Variants in ADAMTS12 observed in about 807,000 individuals in gnomAD.
ADAMTS12 encodes ADAM metallopeptidase with thrombospondin type 1 motif 12.
A neutral mutation model predicts 167.8 loss-of-function variants in ADAMTS12; 118 were observed. That is an observed-to-expected ratio of 0.70 (90% CI 0.61 to 0.82). The LOEUF (loss-of-function observed/expected upper bound fraction) is 0.82. Ranked by LOEUF, ADAMTS12 falls within the 40% of genes least tolerant of loss-of-function variation. The pLI, the probability that ADAMTS12 is intolerant of heterozygous loss-of-function variation, is 0.00. For synonymous variants in ADAMTS12, 704 were observed against 716.9 expected, an observed-to-expected ratio of 0.98 and a Z score of 0.29; for missense variants, 1,916 against 1,998.8, an observed-to-expected ratio of 0.96 and a Z score of 0.79.
chr5:33,600,396 A>G (rs903530224), intron 16 of ADAMTS12, among the ~76,000 whole-genome samples: 7 of 152,222 alleles, frequency 4.6e-5, no homozygotes, highest in African/African-American at 1.7e-4. Flanking sequence ...TCTAAAAGAA[A>G]ATGACATAGC....
chr5:33,882,452 C>T (rs949458704), intron 1 of ADAMTS12, among the ~76,000 whole-genome samples: 4 of 152,220 alleles, frequency 2.6e-5, no homozygotes, highest in African/African-American at 9.7e-5. Context: ...AACACATACA[C>T]ATTTTGACCT....
intron 12 of ADAMTS12, among the ~76,000 whole-genome samples, chr5:33,634,517 C>T (rs4358529): frequency 0.84 from 128,203 of 152,086 alleles, 54,324 homozygotes; most frequent in Non-Finnish European, 0.89. Context: ...CAAGAAGTTA[C>T]GTTTAACTTA....
At chr5:33,568,827 T>C (rs182878797) in intron 19 of ADAMTS12, among the ~76,000 whole-genome samples, 17 of 152,194 alleles carry the variant, frequency 1.1e-4, no homozygotes, top group African/African-American at 4.1e-4. Context: ...GGTCAGGGAG[T>C]TCCCTTTCCT....
chr5:33,683,736 C>G, intron 4 of ADAMTS12, 123 bp downstream of exon 4: 1 of 576,416 alleles, frequency 1.7e-6, no homozygotes, highest in Non-Finnish European at 2.6e-6. Context: ...GTACTAGATT[C>G]ACATATATAT....
rs115876922 is a variant in ADAMTS12 at position 33,631,299 on chromosome 5, C to A, written c.1889-386G>T. On this transcript the variant is annotated intron_variant, in intron 12 of 23. Coordinates refer to ENST00000504830, the MANE Select transcript of ADAMTS12 (RefSeq NM_030955.4). ...CCAGCCATGAAGGACTCCAGGCAAG[C>A]GGGATGCCTGCTTGTTTCTTGCAGC... Among the ~76,000 whole-genome samples the A allele has an allele frequency of 6.1e-3, 930 of 152,166 alleles. 8 individuals are homozygous for A. Among genetic ancestry groups the A allele is most frequent in the African/African-American group, 0.021 (889 of 41,520 alleles).
intron 2 of ADAMTS12, among the ~76,000 whole-genome samples, chr5:33,823,067 G>C (rs1040561023): frequency 2.0e-5 from 3 of 149,994 alleles, no homozygotes; most frequent in African/African-American, 7.4e-5. Flanking sequence ...CTCCAACCTG[G>C]GTGACAGAGG....
At chr5:33,674,989 G>A (rs910423305) in intron 5 of ADAMTS12, among the ~76,000 whole-genome samples, 2 of 152,130 alleles carry the variant, frequency 1.3e-5, no homozygotes, top group African/African-American at 4.8e-5. Flanking sequence ...CTGCAGGGAT[G>A]AAAAGGATGA....
At chr5:33,538,469 T>C (rs1319867509) in intron 22 of ADAMTS12, among the ~76,000 whole-genome samples, 2 of 152,152 alleles carry the variant, frequency 1.3e-5, no homozygotes, top group African/African-American at 2.4e-5. Flanking sequence ...CTGCTTCTGA[T>C]TGGGTTTTCT....
intron 11 of ADAMTS12, among the ~76,000 whole-genome samples, chr5:33,638,412 A>C (rs900166251): frequency 6.6e-6 from 1 of 152,114 alleles, no homozygotes; most frequent in Non-Finnish European, 1.5e-5. Flanking sequence ...GCCTTAACTC[A>C]CCTTAACAAT....
intron 2 of ADAMTS12, among the ~76,000 whole-genome samples, chr5:33,834,014 T>C (rs1748414300): frequency 6.7e-6 from 1 of 148,450 alleles, no homozygotes; most frequent in Non-Finnish European, 1.5e-5. Flanking sequence ...GCAAGGTTAG[T>C]TCCTTTGGAG....
At chr5:33,838,459 G>T (rs936940621) in intron 2 of ADAMTS12, among the ~76,000 whole-genome samples, 12 of 152,206 alleles carry the variant, frequency 7.9e-5, no homozygotes, top group African/African-American at 2.7e-4. Context: ...GAAGAAGGCA[G>T]ATCACTTGAG....
rs374147620 is a variant in ADAMTS12, at chr5:33,534,728, A to AT, written c.4606+104dup. The AT allele has an allele frequency of 3.9e-5, 56 of 1,440,108 alleles. 2 individuals carry two copies. The African/African-American group carries it at 4.0e-4, about 10-fold the overall frequency. The allele number at this position is 1,440,108 out of a possible 1,614,324, so 89.2% of individuals were successfully genotyped here. A position where few individuals can be genotyped will look rare whatever the true frequency, so the allele number is the denominator to read the frequency against. ...ACTGGTTGACCTCTTTAACATTAAG[A>AT]TTTTCTATTCAGTAAAAGAAATGTA... On this transcript the variant is annotated intron_variant, in intron 23 of 23. Coordinates refer to ENST00000504830, the MANE Select transcript of ADAMTS12 (RefSeq NM_030955.4).
At position 33,561,662 on chromosome 5, in the gene ADAMTS12, T is replaced by C. The variant is rs139604950; in HGVS notation, c.3973-483A>G. 6.1e-3 allele frequency among the ~76,000 whole-genome samples: 932 copies of C among 152,252 alleles called. 9 individuals carry two copies. Among genetic ancestry groups the C allele is most frequent in the African/African-American group, 0.022 (902 of 41,542 alleles). On this transcript the variant is annotated intron_variant, in intron 19 of 23. Transcript: ENST00000504830. ...CAGGTGTGGTGGTGTATACTTGCAT[T>C]CCCAGCTACTTAGGAGGCTGAGTTG...
intron 3 of ADAMTS12, among the ~76,000 whole-genome samples, chr5:33,694,230 C>T (rs1742666097): frequency 2.6e-5 from 4 of 152,110 alleles, no homozygotes; most frequent in Admixed American, 2.6e-4. Flanking sequence ...TCATACTGCC[C>T]AAAGCAATTT....
At chr5:33,869,401 G>A (rs1045883709) in intron 2 of ADAMTS12, among the ~76,000 whole-genome samples, 5 of 152,040 alleles carry the variant, frequency 3.3e-5, no homozygotes, top group African/African-American at 9.7e-5. Context: ...GTCTGCTGCA[G>A]GGGTAGAGCC....
chr5:33,736,126 G>A (rs1024583094), intron 3 of ADAMTS12, among the ~76,000 whole-genome samples: 6 of 150,612 alleles, frequency 4.0e-5, no homozygotes, highest in Non-Finnish European at 8.9e-5. Context: ...GCAACGGTGC[G>A]ATCTCGGCTC....
intron 13 of ADAMTS12, among the ~76,000 whole-genome samples, chr5:33,627,721 T>C (rs1251018069): frequency 6.6e-6 from 1 of 152,108 alleles, no homozygotes; most frequent in Non-Finnish European, 1.5e-5. Flanking sequence ...CTCTCAGGCT[T>C]TTGAGGGTCA....
At chr5:33,715,588 C>T (rs900180088) in intron 3 of ADAMTS12, among the ~76,000 whole-genome samples, 5 of 151,958 alleles carry the variant, frequency 3.3e-5, no homozygotes, top group African/African-American at 1.2e-4. Context: ...CTCTTCAGAC[C>T]GAGCTAATTC....
intron 2 of ADAMTS12, among the ~76,000 whole-genome samples, chr5:33,787,167 T>A (rs374392245): frequency 1.3e-5 from 2 of 152,042 alleles, no homozygotes; most frequent in African/African-American, 4.8e-5. Context: ...TGGAAGAAGG[T>A]AGGAAATATG....
Sources: allele counts gnomAD v4.1 joint callset (sites outside exome capture counted in the v4.1 genomes callset), GRCh38; gene constraint gnomAD v4.1.1; transcripts MANE v1.5; gene names NCBI Gene and HGNC (gene_info 2026-07-23, HGNC 2026-07-21).